IGDCC3: variants seen among roughly 807,000 people sequenced by gnomAD.
The protein encoded by IGDCC3 is putative neuronal cell adhesion molecule.
Under a neutral mutation model 72.0 loss-of-function variants are expected in IGDCC3, and 47 were observed. The ratio of observed to expected loss-of-function variants is 0.65; its 90% confidence interval spans 0.52 to 0.83. IGDCC3 has a LOEUF of 0.83. Among genes scored for constraint, IGDCC3 ranks in the 40% least tolerant of loss-of-function variants. The probability of loss-of-function intolerance (pLI) is 0.00; values close to 1 mark genes in which losing one functional copy is unlikely to be tolerated. For missense variants in IGDCC3, 1,038 were observed against 1,091.3 expected (o/e 0.95, Z 0.69); for synonymous variants, 477 against 472.8 (o/e 1.01, Z -0.11).
chr15:65,330,008 C>T (rs1218871092), intron 11 of IGDCC3, 144 bp from the exon 12 acceptor site: 11 of 823,600 alleles, frequency 1.3e-5, no homozygotes, highest in Non-Finnish European at 1.9e-5. Flanking sequence ...CTACAGGACT[C>T]CAGACCAATC....
Position 65,334,369 on chromosome 15 carries a change from G to A in IGDCC3, c.823+359C>T, listed in dbSNP as rs1037190786. ...TGGGACTGCACAGCTGAGGAACACG[G>A]CCAGAGTATAGAGGGCAGGAGTTAG... On this transcript the variant is annotated intron_variant, in intron 5 of 13. Coordinates refer to ENST00000327987, the MANE Select transcript of IGDCC3 (RefSeq NM_004884.4). Among the ~76,000 whole-genome samples the A allele has an allele frequency of 6.6e-5, 10 of 152,218 alleles. No homozygotes were observed. The South Asian group carries it at 2.1e-3, about 32-fold the overall frequency.
In IGDCC3 at chr15:65,369,661, A is replaced by G. The variant is rs538745368; in HGVS notation, c.409+5436T>C. 2.6e-5 allele frequency among the ~76,000 whole-genome samples: 4 copies of G among 152,202 alleles called. No individual in the cohort carries two copies. In the East Asian group the frequency reaches 7.7e-4, roughly 29 times the overall value. ...CCTCCCTCAGTTAAGCGGGAGAAGA[A>G]CTTCATTCCTTCAAGAAGGAGAGAA... On this transcript the variant is annotated intron_variant, in intron 2 of 13. Transcript: ENST00000327987.
chr15:65,353,395 C>T (rs1300660167), intron 2 of IGDCC3, among the ~76,000 whole-genome samples: 1 of 151,996 alleles, frequency 6.6e-6, no homozygotes, highest in African/African-American at 2.4e-5. Flanking sequence ...GGACTACAGG[C>T]GCCTGCCATC....
rs1461467234 is a variant in IGDCC3, at chr15:65,377,374, G to A, written c.103+312C>T. Among the ~76,000 whole-genome samples the A allele has an allele frequency of 6.6e-6, 1 of 151,986 alleles. No individual in the cohort carries two copies. Among genetic ancestry groups the A allele is most frequent in the African/African-American group, 2.4e-5 (1 of 41,378 alleles). ...TTAGCCTTGCGGTCTCCCCTGGCTCGTTTCCCTCGGTCTCCACGCCAGCCC... is the reference window on the plus strand; with the variant it reads ...TTAGCCTTGCGGTCTCCCCTGGCTCATTTCCCTCGGTCTCCACGCCAGCCC... On this transcript the variant is annotated intron_variant, in intron 1 of 13. Coordinates refer to ENST00000327987, the MANE Select transcript of IGDCC3 (RefSeq NM_004884.4). The surrounding 1 kb of genome is among the most constrained non-coding windows in gnomAD (Gnocchi z 4.9).
At chr15:65,374,854 C>T (rs551999117) in intron 2 of IGDCC3, among the ~76,000 whole-genome samples, 13 of 152,262 alleles carry the variant, frequency 8.5e-5, no homozygotes, top group Middle Eastern at 3.4e-3. Flanking sequence ...GCTTTCTCCC[C>T]GACTCCCCTA....
intron 6 of IGDCC3, among the ~76,000 whole-genome samples, chr15:65,332,836 GCCGGC>G (rs2090990206): frequency 6.6e-6 from 1 of 152,236 alleles, no homozygotes; most frequent in Non-Finnish European, 1.5e-5. Context: ...CAGTGAGGCT[GCCGGC>G]GACAGAGTGA....
chr15:65,331,833 T>G, intron 7 of IGDCC3, 108 bp downstream of exon 7: 1 of 1,426,634 alleles, frequency 7.0e-7, no homozygotes. Flanking sequence ...CTCCCAATTC[T>G]GTGCTCTTCC....
Position 65,335,836 on chromosome 15 carries a change from A to G in IGDCC3, c.530T>C (p.Val177Ala), listed in dbSNP as rs1188364269. Residue 177 changes from valine to alanine, a missense_variant, in exon 3 of 14, where the codon GTC (valine) becomes GCC (alanine). Coordinates refer to ENST00000327987, the MANE Select transcript of IGDCC3 (RefSeq NM_004884.4). ...KPLITWEKNR[V>A]PIDTDNERYT... ...CCTCTCATTGTCCGTGTCAATTGGG[A>G]CTCTGTTCTTCTCCCAAGTGATCAG... 2 of 1,613,322 alleles carry G rather than the reference A, an allele frequency of 1.2e-6. No individual in the cohort carries two copies. The highest frequency in any genetic ancestry group is 2.7e-5 in the African/African-American group (2 of 74,628).
chr15:65,370,614 G>GTGTATATATATATA (rs1280197822), intron 2 of IGDCC3, among the ~76,000 whole-genome samples: 3 of 51,718 alleles, frequency 5.8e-5, no homozygotes, highest in African/African-American at 2.2e-4. Flanking sequence ...GTATATATAT[G>GTGTATATATATATA]TATGTGTATA....
At chr15:65,354,858 A>AGGCTAGCCCCACC (rs2091203020) in intron 2 of IGDCC3, among the ~76,000 whole-genome samples, 1 of 152,200 alleles carries the variant, frequency 6.6e-6, no homozygotes, top group African/African-American at 2.4e-5. Context: ...CCTGGCTCTC[A>AGGCTAGCCCCACC]AACTCGGCTG....
Position 65,377,858 on chromosome 15 carries a change from G to A in IGDCC3, c.-70C>T. ...CTCTCGCGGCTCACAGCGTCCCGCGGGGCCGGCGCCGGGGCCGGGGCTGGG... is the reference window on the plus strand; with the variant it reads ...CTCTCGCGGCTCACAGCGTCCCGCGAGGCCGGCGCCGGGGCCGGGGCTGGG... On this transcript the variant is annotated 5_prime_UTR_variant, in exon 1 of 14. Transcript: ENST00000327987. This position sits in a 1 kb window ranked among gnomAD's most constrained non-coding sequence, Gnocchi z 4.9. 2 of 1,083,082 alleles carry A rather than the reference G, an allele frequency of 1.8e-6. No individual in the cohort carries two copies. Among genetic ancestry groups the A allele is most frequent in the Non-Finnish European group, 2.2e-6 (2 of 894,296 alleles). 67.1% of individuals were successfully genotyped at this position (1,083,082 alleles called of 1,614,324 possible).
At chr15:65,368,605 C>G (rs2091304159) in intron 2 of IGDCC3, among the ~76,000 whole-genome samples, 2 of 152,092 alleles carry the variant, frequency 1.3e-5, no homozygotes, top group South Asian at 4.1e-4. Flanking sequence ...GGGACATAGG[C>G]CTTGTCTAGC....
At chr15:65,375,512 TC>T in intron 1 of IGDCC3, 110 bp from the exon 2 acceptor site, 1 of 776,348 alleles carries the variant, frequency 1.3e-6, no homozygotes, top group Non-Finnish European at 2.0e-6. Flanking sequence ...ATGCACCCCA[TC>T]CCCATGTTTC....
At chr15:65,374,934 C>T (rs751842260) in intron 2 of IGDCC3, among the ~76,000 whole-genome samples, 163 bp downstream of exon 2, 9 of 152,144 alleles carry the variant, frequency 5.9e-5, no homozygotes, top group South Asian at 2.1e-4. Flanking sequence ...ATAATTCCAC[C>T]GCCACGAATC....
intron 2 of IGDCC3, among the ~76,000 whole-genome samples, chr15:65,372,155 G>A (rs777675921): frequency 2.6e-5 from 4 of 152,152 alleles, no homozygotes; most frequent in Non-Finnish European, 5.9e-5. Context: ...GTGCGGTGCC[G>A]GCTCCCGTTA....
chr15:65,363,023 C>T (rs956340934), intron 2 of IGDCC3, among the ~76,000 whole-genome samples: 4 of 151,856 alleles, frequency 2.6e-5, no homozygotes, highest in Non-Finnish European at 5.9e-5. Context: ...CCACACCCGG[C>T]TAATTTTTGT....
intron 2 of IGDCC3, among the ~76,000 whole-genome samples, chr15:65,351,678 T>G (rs2091174839): frequency 6.6e-6 from 1 of 152,220 alleles, no homozygotes; most frequent in African/African-American, 2.4e-5. Context: ...ATAAAAATCA[T>G]ACAGGAAGCA....
chr15:65,353,635 A>G (rs1398302631), intron 2 of IGDCC3, among the ~76,000 whole-genome samples: 1 of 152,184 alleles, frequency 6.6e-6, no homozygotes, highest in African/African-American at 2.4e-5. Context: ...CCTTGCTAAT[A>G]AAACAGGTTG....
intron 2 of IGDCC3, among the ~76,000 whole-genome samples, chr15:65,350,280 G>A (rs551804018): frequency 1.3e-5 from 2 of 151,782 alleles, no homozygotes; most frequent in South Asian, 4.2e-4. Context: ...ACAGGCGCCT[G>A]CCACCATGCC....
Sources: gnomAD v4.1 joint callset for allele counts (sites outside exome capture counted in the v4.1 genomes callset) on GRCh38, gnomAD v4.1.1 for gene constraint, Gnocchi (gnomAD v3.1) non-coding constraint, MANE v1.5 for transcripts, NCBI Gene and HGNC (gene_info 2026-07-23, HGNC 2026-07-21) for gene names.